MTHFD2L: variants seen among roughly 807,000 people sequenced by gnomAD.
The protein encoded by MTHFD2L is bifunctional methylenetetrahydrofolate dehydrogenase/cyclohydrolase 2, mitochondrial.
In MTHFD2L, 29 loss-of-function variants were observed where a neutral mutation model predicts 34.9. That is an observed-to-expected ratio of 0.83 (90% CI 0.62 to 1.13). The LOEUF is 1.13. MTHFD2L is among the 50% of genes most tolerant of loss of function. MTHFD2L has a pLI of 0.00. For missense variants in MTHFD2L, 481 were observed against 446.5 expected, an observed-to-expected ratio of 1.08 and a Z score of -0.70; for synonymous variants, 167 against 155.7, an observed-to-expected ratio of 1.07 and a Z score of -0.54.
chr4:74,272,738 C>T (rs979568514), intron 6 of MTHFD2L, among the ~76,000 whole-genome samples: 1 of 152,124 alleles, frequency 6.6e-6, no homozygotes, highest in African/African-American at 2.4e-5. Context: ...GGCTGTTTCC[C>T]GTTTCTGCTT....
intron 5 of MTHFD2L, among the ~76,000 whole-genome samples, chr4:74,210,948 A>G (rs897005356): frequency 1.8e-4 from 27 of 152,028 alleles, no homozygotes; most frequent in Admixed American, 3.9e-4. Context: ...CTTTGAAGCA[A>G]TTGTCAATGG....
Position 74,201,385 on chromosome 4 carries a change from G to T in MTHFD2L, c.712+15G>T, listed in dbSNP as rs760661932. The T allele has an allele frequency of 6.4e-7, 1 of 1,559,318 alleles. No individual in the cohort carries two copies. Among genetic ancestry groups the T allele is most frequent in the East Asian group, 2.2e-5 (1 of 44,478 alleles). On this transcript the variant is annotated intron_variant, in intron 5 of 7. Transcript: ENST00000325278. ...ACGGCCAGGAGGTAGGTAGAACCTTGCAGATTCTACACTCTCTCGCAGTAT... is the reference window on the plus strand; with the variant it reads ...ACGGCCAGGAGGTAGGTAGAACCTTTCAGATTCTACACTCTCTCGCAGTAT...
At chr4:74,148,680 C>T (rs1173580436) in intron 1 of MTHFD2L, among the ~76,000 whole-genome samples, 1 of 146,870 alleles carries the variant, frequency 6.8e-6, no homozygotes, top group African/African-American at 2.4e-5. Flanking sequence ...GAGAGTGCTA[C>T]TAACTTTTAA....
Position 74,174,686 on chromosome 4 carries a change from TG to T in MTHFD2L, c.325del (p.Val109Ter). The T allele has an allele frequency of 6.7e-7, 1 of 1,492,852 alleles. No homozygotes were observed. The allele number at this position is 1,492,852 out of a possible 1,614,324, so 92.5% of individuals were successfully genotyped here. On this transcript the variant is annotated frameshift_variant, in exon 2 of 8. Coordinates refer to ENST00000325278, the MANE Select transcript of MTHFD2L (RefSeq NM_001144978.3). LOFTEE classifies it high-confidence loss of function. ...GGAATAAGATAAGAGCTGCCTCTGC[TG>T]TAGGTGGGTGTGTGTTTTAGTTGTA... ...VRNKIRAASA[V>X]GICSELILKP...
upstream of MTHFD2L, among the ~76,000 whole-genome samples, chr4:74,123,766 T>G (rs1721881796): frequency 6.6e-6 from 1 of 152,132 alleles, no homozygotes; most frequent in Admixed American, 6.6e-5. Context: ...TTTCTTAGAT[T>G]CTAAAACTTC....
intron 1 of MTHFD2L, among the ~76,000 whole-genome samples, chr4:74,168,565 A>G (rs1036944888): frequency 6.6e-6 from 1 of 152,198 alleles, no homozygotes; most frequent in Non-Finnish European, 1.5e-5. Context: ...CTTCAACTAG[A>G]ATATAGTTTC....
intron 6 of MTHFD2L, among the ~76,000 whole-genome samples, chr4:74,252,986 A>C (rs1743520787): frequency 6.6e-6 from 1 of 152,212 alleles, no homozygotes; most frequent in Non-Finnish European, 1.5e-5. Context: ...ATACCTACAA[A>C]TAAACTAAGA....
chr4:74,209,184 C>CA (rs1002350961), intron 5 of MTHFD2L, among the ~76,000 whole-genome samples: 25 of 152,108 alleles, frequency 1.6e-4, no homozygotes, highest in Admixed American at 3.9e-4. Flanking sequence ...GGTTAAAAAA[C>CA]AAAAAAACAA....
chr4:74,175,966 T>G (rs1560448744), intron 3 of MTHFD2L, among the ~76,000 whole-genome samples: 1 of 152,056 alleles, frequency 6.6e-6, no homozygotes, highest in African/African-American at 2.4e-5. Context: ...TTTCTATGTC[T>G]TGGTGAATTG....
intron 3 of MTHFD2L, among the ~76,000 whole-genome samples, chr4:74,175,741 A>T (rs541601664): frequency 6.6e-6 from 1 of 152,186 alleles, no homozygotes; most frequent in African/African-American, 2.4e-5. Flanking sequence ...AAAACTTCTT[A>T]TCCAAGCATT....
At chr4:74,212,388 A>C (rs1315527909) in intron 5 of MTHFD2L, among the ~76,000 whole-genome samples, 2 of 152,034 alleles carry the variant, frequency 1.3e-5, no homozygotes, top group African/African-American at 4.8e-5. Flanking sequence ...ATTCTGTTAC[A>C]TTGTGTCTTT....
At chr4:74,122,107 T>C (rs115603952), upstream of MTHFD2L, among the ~76,000 whole-genome samples, 1,421 of 152,250 alleles carry the variant, frequency 9.3e-3, 18 homozygotes, top group African/African-American at 0.033. Context: ...GACATAAACA[T>C]ATTTTAATGT....
chr4:74,198,607 A>T (rs114322254), intron 3 of MTHFD2L, among the ~76,000 whole-genome samples: 5,659 of 152,194 alleles, frequency 0.037, 302 homozygotes, highest in African/African-American at 0.11. Flanking sequence ...GATTTTTTTT[A>T]AAAAAGAACC....
intron 6 of MTHFD2L, among the ~76,000 whole-genome samples, chr4:74,248,839 TGA>T (rs1232990978): frequency 6.6e-6 from 1 of 151,914 alleles, no homozygotes; most frequent in Non-Finnish European, 1.5e-5. Flanking sequence ...CACTGTGGTC[TGA>T]GAGACAGTTT....
chr4:74,231,203 A>G (rs1471370238), intron 6 of MTHFD2L, among the ~76,000 whole-genome samples: 1 of 152,146 alleles, frequency 6.6e-6, no homozygotes, highest in East Asian at 1.9e-4. Context: ...AAAGTGACCA[A>G]CGAATTTCCT....
At chr4:74,284,240 A>T (rs1391406673) in intron 7 of MTHFD2L, among the ~76,000 whole-genome samples, 1 of 152,148 alleles carries the variant, frequency 6.6e-6, no homozygotes, top group African/African-American at 2.4e-5. Flanking sequence ...GATGTAAAAA[A>T]CTTCACATTA....
chr4:74,295,236 A>G (rs1749488291), intron 7 of MTHFD2L, among the ~76,000 whole-genome samples: 2 of 152,074 alleles, frequency 1.3e-5, no homozygotes, highest in African/African-American at 4.8e-5. Context: ...TGCTTTGGTC[A>G]TAATGAAGTC....
In MTHFD2L at chr4:74,174,648, C is replaced by CT; in HGVS notation, c.286_287insT (p.His96LeufsTer7). The CT allele has an allele frequency of 6.3e-7, 1 of 1,584,496 alleles. No homozygotes were observed. The highest frequency in any genetic ancestry group is 1.2e-5 in the South Asian group (1 of 85,576). The stretch of plus-strand genomic sequence containing the variant: ...TTTAGTGGGAGATAACCCAGCAAGC[C>CT]ATACATATGTCAGGAATAAGATAAG... On this transcript the variant is annotated frameshift_variant, in exon 2 of 8. Transcript: ENST00000325278. LOFTEE classifies it high-confidence loss of function.
intron 1 of MTHFD2L, among the ~76,000 whole-genome samples, chr4:74,164,666 A>T (rs559047365): frequency 6.6e-6 from 1 of 152,344 alleles, no homozygotes; most frequent in South Asian, 2.1e-4. Context: ...ATAGATGAAG[A>T]AATTGCATGC....
Sources: allele counts gnomAD v4.1 joint callset (sites outside exome capture counted in the v4.1 genomes callset), GRCh38; gene constraint gnomAD v4.1.1; transcripts MANE v1.5; gene names NCBI Gene and HGNC (gene_info 2026-07-23, HGNC 2026-07-21).